Variants in SRBD1 observed in about 807,000 individuals in gnomAD.
SRBD1 encodes the protein S1 RNA binding domain 1.
SRBD1 carries 88 observed loss-of-function variants against 115.3 expected under a neutral mutation model. The ratio of observed to expected loss-of-function variants is 0.76; its 90% CI spans 0.64 to 0.91. The LOEUF (loss-of-function observed/expected upper bound fraction) is 0.91. Among genes scored for constraint, SRBD1 ranks in the 40% least tolerant of loss-of-function variants. The pLI, the probability that SRBD1 is intolerant of heterozygous loss-of-function variation, is 0.00. For synonymous variants in SRBD1, 509 were observed against 407.7 expected (o/e 1.25, Z -2.99); for missense variants, 1,385 against 1,177.4 (o/e 1.18, Z -2.58).
intron 14 of SRBD1, among the ~76,000 whole-genome samples, chr2:45,530,859 A>C (rs1269608275): frequency 6.6e-6 from 1 of 151,968 alleles, no homozygotes; most frequent in Non-Finnish European, 1.5e-5. Context: ...GAGCACATCT[A>C]TAATCCCAGA....
At chr2:45,418,684 A>AAC in intron 17 of SRBD1, 143 bp from the exon 18 acceptor site, 1 of 754,808 alleles carries the variant, frequency 1.3e-6, no homozygotes, top group South Asian at 3.1e-5. Context: ...TTTAAAAAAA[A>AAC]AAACAAAAAA....
At chr2:45,435,972 C>T (rs992092216) in intron 16 of SRBD1, among the ~76,000 whole-genome samples, 1 of 152,018 alleles carries the variant, frequency 6.6e-6, no homozygotes, top group Non-Finnish European at 1.5e-5. Flanking sequence ...AATGACAGAT[C>T]AGTATTTCTC....
At chr2:45,519,106 A>AT (rs11459375) in intron 14 of SRBD1, among the ~76,000 whole-genome samples, 12,426 of 152,146 alleles carry the variant, frequency 0.082, 722 homozygotes, top group African/African-American at 0.15. Flanking sequence ...ATAAGCTATA[A>AT]TTTTTTAATC....
At chr2:45,485,292 A>G (rs150996953) in intron 15 of SRBD1, among the ~76,000 whole-genome samples, 1,904 of 152,324 alleles carry the variant, frequency 0.012, 21 homozygotes, top group Non-Finnish European at 0.016. Context: ...ATGCTGTCTT[A>G]GAATTCAATG....
intron 14 of SRBD1, among the ~76,000 whole-genome samples, chr2:45,543,606 G>A (rs1672016921): frequency 6.6e-6 from 1 of 152,102 alleles, no homozygotes; most frequent in Non-Finnish European, 1.5e-5. Flanking sequence ...TAACTTCAAA[G>A]TGTAAGATGA....
At chr2:45,430,967 A>G (rs984811372) in intron 16 of SRBD1, among the ~76,000 whole-genome samples, 1 of 152,240 alleles carries the variant, frequency 6.6e-6, no homozygotes, top group Non-Finnish European at 1.5e-5. Context: ...CACCCCATCA[A>G]AAAGTGGGTG....
chr2:45,545,283 T>TAAAAAAAA lies in SRBD1; in HGVS notation c.1874+1441_1874+1448dup, dbSNP rs56909656. ...TGACAGAGCGAGACTCTGTCTCAAT[T>TAAAAAAAA]AAAAAAAAAAAAAAAAAAAAAAAAA... On this transcript the variant is annotated intron_variant, in intron 14 of 20. Transcript: ENST00000263736. Among the ~76,000 whole-genome samples the TAAAAAAAA allele has an allele frequency of 4.5e-3, 309 of 68,548 alleles. 19 individuals carry two copies. The highest frequency in any genetic ancestry group is 0.015 in the African/African-American group (216 of 14,766). The allele number at this position is 68,548 out of a possible 152,430, so 45.0% of individuals were successfully genotyped here.
intron 14 of SRBD1, among the ~76,000 whole-genome samples, chr2:45,513,272 A>C (rs1468419619): frequency 1.3e-5 from 2 of 152,094 alleles, no homozygotes; most frequent in African/African-American, 4.8e-5. Flanking sequence ...CGTAATCCCT[A>C]ACTATTTCTT....
intron 16 of SRBD1, among the ~76,000 whole-genome samples, chr2:45,421,510 C>CAAAAAAAAAAAAAA (rs869298079): frequency 2.7e-4 from 6 of 22,306 alleles, no homozygotes; most frequent in Non-Finnish European, 4.5e-4. Flanking sequence ...CCGTCTCAAA[C>CAAAAAAAAAAAAAA]AAAAAAAAAA....
intron 14 of SRBD1, among the ~76,000 whole-genome samples, chr2:45,492,311 C>CA (rs1411578898): frequency 6.6e-6 from 1 of 152,078 alleles, no homozygotes; most frequent in African/African-American, 2.4e-5. Context: ...ACTAGGTTTT[C>CA]AAAAAACTTT....
chr2:45,506,017 T>C (rs929387724), intron 14 of SRBD1, among the ~76,000 whole-genome samples: 1 of 152,162 alleles, frequency 6.6e-6, no homozygotes, highest in Admixed American at 6.5e-5. Context: ...ATTGGCATGA[T>C]AGTATACTTT....
intron 14 of SRBD1, among the ~76,000 whole-genome samples, chr2:45,488,934 G>A (rs1181901291): frequency 6.6e-6 from 1 of 151,600 alleles, no homozygotes; most frequent in Non-Finnish European, 1.5e-5. Context: ...CATCCTTTCA[G>A]TGAACTTAAA....
intron 15 of SRBD1, among the ~76,000 whole-genome samples, chr2:45,480,147 G>C (rs1373536036): frequency 6.6e-6 from 1 of 152,162 alleles, no homozygotes; most frequent in Admixed American, 6.5e-5. Context: ...CAAGAGCTCT[G>C]ATGGAGATGT....
intron 7 of SRBD1, among the ~76,000 whole-genome samples, chr2:45,577,161 A>G (rs1043684574): frequency 7.9e-5 from 12 of 152,200 alleles, no homozygotes; most frequent in Non-Finnish European, 1.3e-4. Flanking sequence ...AATGGGAGAT[A>G]GAAATTATCA....
At chr2:45,527,962 A>C (rs1473828416) in intron 14 of SRBD1, among the ~76,000 whole-genome samples, 3 of 151,912 alleles carry the variant, frequency 2.0e-5, no homozygotes, top group Non-Finnish European at 4.4e-5. Context: ...CAGGAGCCAA[A>C]ATTTCATTGT....
At chr2:45,600,048 G>A (rs1211478762) in intron 3 of SRBD1, among the ~76,000 whole-genome samples, 2 of 152,170 alleles carry the variant, frequency 1.3e-5, no homozygotes, top group Non-Finnish European at 2.9e-5. Context: ...ATTAGAGGTT[G>A]GCAAGGGTCA....
chr2:45,395,754 C>T (rs567632743), intron 19 of SRBD1, among the ~76,000 whole-genome samples: 20 of 152,128 alleles, frequency 1.3e-4, no homozygotes, highest in Non-Finnish European at 2.2e-4. Flanking sequence ...TGACCTCTAC[C>T]TTAATGAATT....
chr2:45,534,555 A>ACC (rs1671710150), intron 14 of SRBD1, among the ~76,000 whole-genome samples: 1 of 151,996 alleles, frequency 6.6e-6, no homozygotes, highest in Admixed American at 6.6e-5. Flanking sequence ...TAGTTTTAAT[A>ACC]TCCAGAAAAC....
intron 16 of SRBD1, among the ~76,000 whole-genome samples, chr2:45,435,339 G>A (rs993866729): frequency 2.0e-5 from 3 of 151,974 alleles, no homozygotes; most frequent in African/African-American, 7.3e-5. Flanking sequence ...TCTAGACTGT[G>A]GCACCAGGAG....
Sources: allele counts gnomAD v4.1 joint callset (sites outside exome capture counted in the v4.1 genomes callset), GRCh38; gene constraint gnomAD v4.1.1; transcripts MANE v1.5; gene names NCBI Gene and HGNC (gene_info 2026-07-23, HGNC 2026-07-21).